PLCH1: variants seen among roughly 807,000 people sequenced by gnomAD.
The protein encoded by PLCH1 is phospholipase C eta 1, also known as 1-phosphatidylinositol 4,5-bisphosphate phosphodiesterase eta-1.
PLCH1 carries 60 observed loss-of-function variants against 126.7 expected under a neutral mutation model. The observed-to-expected ratio is 0.47, with a 90% confidence interval of 0.38 to 0.59. The LOEUF is 0.59. Among genes scored for constraint, PLCH1 ranks in the 20% least tolerant of loss-of-function variants. PLCH1 has a pLI of 0.00. For missense variants in PLCH1, 1,723 were observed against 2,040.0 expected (o/e 0.84, Z 2.99); for synonymous variants, 719 against 734.9 (o/e 0.98, Z 0.35).
intron 9 of PLCH1, among the ~76,000 whole-genome samples, chr3:155,553,764 C>T (rs1389230530): frequency 6.6e-6 from 1 of 152,022 alleles, no homozygotes; most frequent in Admixed American, 6.6e-5. Flanking sequence ...ACACAGTAAC[C>T]TATGTTTCCA....
At chr3:155,514,359 G>A (rs952756875) in intron 12 of PLCH1, among the ~76,000 whole-genome samples, 3 of 152,124 alleles carry the variant, frequency 2.0e-5, no homozygotes, top group Admixed American at 6.5e-5. Context: ...CCTCAGCCCT[G>A]AAAAACAGGT....
intron 21 of PLCH1, among the ~76,000 whole-genome samples, chr3:155,460,453 T>C (rs985211367): frequency 6.6e-6 from 1 of 152,098 alleles, no homozygotes; most frequent in Non-Finnish European, 1.5e-5. Flanking sequence ...ATGGGTCCAA[T>C]AGATATAAGG....
chr3:155,459,565 G>A (rs749992342), intron 21 of PLCH1, among the ~76,000 whole-genome samples: 2 of 152,114 alleles, frequency 1.3e-5, no homozygotes, highest in Non-Finnish European at 2.9e-5. Context: ...CTTTGGCAGA[G>A]TAATTGAGAA....
intron 2 of PLCH1, among the ~76,000 whole-genome samples, chr3:155,620,957 T>G (rs1324629678): frequency 6.6e-6 from 1 of 152,152 alleles, no homozygotes; most frequent in Non-Finnish European, 1.5e-5. Flanking sequence ...CCCCCATGTA[T>G]CCTGACTGGA....
chr3:155,636,707 T>C (rs376504873), intron 2 of PLCH1, among the ~76,000 whole-genome samples: 10 of 151,430 alleles, frequency 6.6e-5, no homozygotes, highest in African/African-American at 2.4e-4. Flanking sequence ...GATCACGCCA[T>C]TGCACCCCAG....
chr3:155,487,725 T>A (rs1395173046), intron 21 of PLCH1, among the ~76,000 whole-genome samples: 2 of 152,218 alleles, frequency 1.3e-5, no homozygotes, highest in Non-Finnish European at 2.9e-5. Context: ...ACTCAACATT[T>A]AACTATATCT....
intron 2 of PLCH1, among the ~76,000 whole-genome samples, chr3:155,647,870 C>T (rs972837080): frequency 1.3e-5 from 2 of 152,162 alleles, no homozygotes; most frequent in East Asian, 3.9e-4. Flanking sequence ...TAATGCATAG[C>T]TAGATTCTTA....
intron 2 of PLCH1, among the ~76,000 whole-genome samples, chr3:155,663,352 G>GT (rs1226509544): frequency 5.3e-5 from 8 of 152,124 alleles, no homozygotes; most frequent in African/African-American, 1.9e-4. Flanking sequence ...ACTGCCTTTG[G>GT]TTAGATTTGG....
chr3:155,541,483 A>G (rs2108390120), intron 10 of PLCH1, among the ~76,000 whole-genome samples: 1 of 152,266 alleles, frequency 6.6e-6, no homozygotes, highest in Non-Finnish European at 1.5e-5. Flanking sequence ...TAATTTCCAT[A>G]CTGTTATGTC....
At chr3:155,502,160 C>T (rs1250679300) in intron 13 of PLCH1, among the ~76,000 whole-genome samples, 3 of 152,262 alleles carry the variant, frequency 2.0e-5, no homozygotes, top group East Asian at 1.9e-4. Context: ...TATGGAAGCC[C>T]TACCATTTGA....
intron 21 of PLCH1, among the ~76,000 whole-genome samples, chr3:155,468,441 G>A (rs577849012): frequency 1.1e-4 from 16 of 152,230 alleles, no homozygotes; most frequent in African/African-American, 3.9e-4. Flanking sequence ...TTCTCCAAAA[G>A]ACAGACTGGC....
chr3:155,725,705 A>T (rs1460526643), intron 1 of PLCH1, among the ~76,000 whole-genome samples: 1 of 152,088 alleles, frequency 6.6e-6, no homozygotes, highest in African/African-American at 2.4e-5. Flanking sequence ...CTCCCAAAGT[A>T]CAGGGATTAC....
intron 10 of PLCH1, among the ~76,000 whole-genome samples, chr3:155,544,838 A>G (rs1724967490): frequency 6.6e-6 from 1 of 151,806 alleles, no homozygotes; most frequent in Non-Finnish European, 1.5e-5. Context: ...TTTGAAACCA[A>G]CGAGAATAAA....
Position 155,494,148 on chromosome 3 carries a change from C to G in PLCH1, c.2175G>C (p.Met725Ile). Residue 725 changes from methionine to isoleucine, a missense_variant, in exon 17 of 23, where the codon ATG becomes ATC. Coordinates refer to ENST00000460012, the MANE Select transcript of PLCH1 (RefSeq NM_014996.4). ...NCGYVLKPQQ[M>I]CKGTFNPFSG... ...TATGAAATTAATACACACCTTTGCACATTTGCTGGGGTTTGAGGACATAGC... is the reference window on the plus strand; with the variant it reads ...TATGAAATTAATACACACCTTTGCAGATTTGCTGGGGTTTGAGGACATAGC... 6.2e-7 allele frequency: 1 copy of G among 1,612,584 alleles called. No homozygotes were observed. Among genetic ancestry groups the G allele is most frequent in the Non-Finnish European group, 8.5e-7 (1 of 1,178,614 alleles).
At chr3:155,688,874 G>A (rs950472898) in intron 2 of PLCH1, among the ~76,000 whole-genome samples, 1 of 152,208 alleles carries the variant, frequency 6.6e-6, no homozygotes, top group Admixed American at 6.5e-5. Flanking sequence ...CAGCTTAGCC[G>A]CTGTAGAATA....
chr3:155,482,579 G>A lies in PLCH1; in HGVS notation c.3447C>T (p.Ser1149=), dbSNP rs773829028. The A allele has an allele frequency of 6.2e-7, 1 of 1,614,170 alleles. No individual in the cohort carries two copies. Among genetic ancestry groups the A allele is most frequent in the Non-Finnish European group, 8.5e-7 (1 of 1,180,034 alleles). Residue 1149 remains serine (S), a synonymous_variant, in exon 23 of 23, where the codon TCC becomes TCT. Coordinates refer to ENST00000460012, the MANE Select transcript of PLCH1 (RefSeq NM_014996.4). ...AATSFSLSDV[S]MLCSDIPDLH... Reference sequence around the variant, plus strand: ...GGTCAGGTATGTCAGAACAGAGCATGGAGACGTCTGACAAAGAAAAGGATG... The same window carrying A: ...GGTCAGGTATGTCAGAACAGAGCATAGAGACGTCTGACAAAGAAAAGGATG...
chr3:155,741,425 C>T (rs1266839868), intron 1 of PLCH1, among the ~76,000 whole-genome samples: 4 of 152,064 alleles, frequency 2.6e-5, no homozygotes, highest in African/African-American at 9.7e-5. Context: ...AGCAAGCTTC[C>T]CTGGGTTTAT....
intron 1 of PLCH1, among the ~76,000 whole-genome samples, chr3:155,704,636 T>C (rs1223803988): frequency 1.3e-5 from 2 of 152,214 alleles, no homozygotes; most frequent in Non-Finnish European, 2.9e-5. Context: ...TCAGGAAATT[T>C]CAGTTGCAGG....
intron 22 of PLCH1, 187 bp from the exon 23 acceptor site, chr3:155,483,238 T>C (rs138192366): frequency 2.2e-6 from 2 of 903,092 alleles, no homozygotes; most frequent in East Asian, 5.3e-5. Flanking sequence ...AATATATTTA[T>C]AGGAATTTCA....
Sources: gnomAD v4.1 joint callset for allele counts (sites outside exome capture counted in the v4.1 genomes callset) on GRCh38, gnomAD v4.1.1 for gene constraint, MANE v1.5 for transcripts, NCBI Gene and HGNC (gene_info 2026-07-23, HGNC 2026-07-21) for gene names.